Variants in IL23R observed in about 807,000 individuals in gnomAD.
IL23R encodes interleukin 23 receptor.
In IL23R, 34 loss-of-function variants were observed where a neutral mutation model predicts 56.9. That is an observed-to-expected ratio of 0.60 (90% confidence interval 0.45 to 0.80). The LOEUF is 0.80. IL23R is among the 30% of genes least tolerant of loss of function. The pLI, the probability that IL23R is intolerant of heterozygous loss-of-function variation, is 0.00. For missense variants in IL23R, 635 were observed against 730.0 expected, an observed-to-expected ratio of 0.87 and a Z score of 1.50; for synonymous variants, 230 against 249.2, an observed-to-expected ratio of 0.92 and a Z score of 0.73.
intron 1 of IL23R, among the ~76,000 whole-genome samples, chr1:67,156,251 A>C (rs186724530): frequency 1.3e-5 from 2 of 152,158 alleles, no homozygotes; most frequent in Admixed American, 6.5e-5. Flanking sequence ...AGGTCTCTCC[A>C]AGTCAGGAGG....
intron 8 of IL23R, among the ~76,000 whole-genome samples, chr1:67,239,553 C>G (rs754528528): frequency 3.3e-5 from 5 of 152,228 alleles, no homozygotes; most frequent in African/African-American, 9.6e-5. Context: ...GCGTGAGTCA[C>G]TGTGCCCAGC....
chr1:67,142,536 C>T (rs1646647505), intron 1 of IL23R, among the ~76,000 whole-genome samples: 1 of 152,120 alleles, frequency 6.6e-6, no homozygotes, highest in South Asian at 2.1e-4. Flanking sequence ...TTTATAAATA[C>T]AGCAACACAG....
At chr1:67,188,131 C>T (rs1254954749) in intron 4 of IL23R, among the ~76,000 whole-genome samples, 4 of 152,148 alleles carry the variant, frequency 2.6e-5, no homozygotes, top group Non-Finnish European at 5.9e-5. Flanking sequence ...TATATCAGGT[C>T]ATAATTATAT....
At chr1:67,220,743 C>T (rs937069878) in intron 7 of IL23R, among the ~76,000 whole-genome samples, 3 of 152,170 alleles carry the variant, frequency 2.0e-5, no homozygotes, top group African/African-American at 2.4e-5. Flanking sequence ...TGGTGGCCCA[C>T]GCCCATAGTC....
chr1:67,232,181 C>A (rs984148558), intron 7 of IL23R, among the ~76,000 whole-genome samples: 4 of 152,146 alleles, frequency 2.6e-5, no homozygotes, highest in Non-Finnish European at 5.9e-5. Context: ...CCATACCCTT[C>A]TATACTTTTC....
At chr1:67,149,477 T>A (rs1411354729) in intron 1 of IL23R, among the ~76,000 whole-genome samples, 3 of 152,120 alleles carry the variant, frequency 2.0e-5, no homozygotes, top group Admixed American at 6.5e-5. Flanking sequence ...TTATTCCCCA[T>A]TTTTTTCTGT....
intron 5 of IL23R, among the ~76,000 whole-genome samples, chr1:67,204,531 T>C (rs1009591866): frequency 2.0e-5 from 3 of 152,214 alleles, no homozygotes; most frequent in African/African-American, 7.2e-5. Context: ...ATTCTTACTG[T>C]GCTATCTGCA....
At chr1:67,169,303 G>A (rs779234342) in intron 2 of IL23R, 39 bp from the exon 3 acceptor site, 10 of 1,437,296 alleles carry the variant, frequency 7.0e-6, no homozygotes, top group Middle Eastern at 2.3e-4. Flanking sequence ...TTGATTTAAT[G>A]TTTTACGTGT....
downstream of IL23R, among the ~76,000 whole-genome samples, chr1:67,261,786 A>C (rs991008095): frequency 6.6e-5 from 10 of 152,244 alleles, no homozygotes; most frequent in African/African-American, 1.9e-4. Context: ...TCTATCACAC[A>C]TGAAAAAAGC....
At chr1:67,153,596 T>A (rs1196250143) in intron 1 of IL23R, among the ~76,000 whole-genome samples, 1 of 152,150 alleles carries the variant, frequency 6.6e-6, no homozygotes, top group Non-Finnish European at 1.5e-5. Flanking sequence ...TCCTGTAAAT[T>A]TCCCTCTAAA....
chr1:67,209,584 A>G (rs190573886), intron 6 of IL23R, among the ~76,000 whole-genome samples: 16 of 152,250 alleles, frequency 1.1e-4, no homozygotes, highest in African/African-American at 3.4e-4. Context: ...TTCACCACCC[A>G]TCATCATTCT....
intron 6 of IL23R, among the ~76,000 whole-genome samples, chr1:67,219,226 G>C (rs1650079145): frequency 1.3e-5 from 2 of 152,050 alleles, no homozygotes; most frequent in Admixed American, 1.3e-4. Flanking sequence ...AAAGTAGCCA[G>C]GTGTTGTAGT....
Position 67,204,196 on chromosome 1 carries a change from T to C in IL23R, c.653-2714T>C, listed in dbSNP as rs181953569. Reference sequence around the variant, plus strand: ...CTCCTGCCTCAGCCTCCCGAGTAGCTGGGACTACAGGCGCCAGCCACCTCG... The same window carrying C: ...CTCCTGCCTCAGCCTCCCGAGTAGCCGGGACTACAGGCGCCAGCCACCTCG... On this transcript the variant is annotated intron_variant, in intron 5 of 10. Transcript: ENST00000347310. 8.2e-3 allele frequency among the ~76,000 whole-genome samples: 1,251 copies of C among 152,306 alleles called. 18 individuals carry two copies. Among genetic ancestry groups the C allele is most frequent in the African/African-American group, 0.029 (1,195 of 41,568 alleles).
intron 6 of IL23R, among the ~76,000 whole-genome samples, chr1:67,209,938 A>G (rs1313753985): frequency 2.6e-5 from 4 of 152,212 alleles, no homozygotes; most frequent in Admixed American, 2.6e-4. Flanking sequence ...TGAAATTTAT[A>G]TCAGTGATCA....
At position 67,232,747 on chromosome 1, in the gene IL23R, A is replaced by G. The variant is rs376992358; in HGVS notation, c.956-3966A>G. ...AGGATGACAAAACACACTTTGCCCCATGGTTGATGATATGGTTTGGCTGTG... is the reference window on the plus strand; with the variant it reads ...AGGATGACAAAACACACTTTGCCCCGTGGTTGATGATATGGTTTGGCTGTG... On this transcript the variant is annotated intron_variant, in intron 7 of 10. Coordinates refer to ENST00000347310, the MANE Select transcript of IL23R (RefSeq NM_144701.3). Among the ~76,000 whole-genome samples, 7 of 152,212 alleles carry G rather than the reference A, an allele frequency of 4.6e-5. No individual in the cohort carries two copies. The East Asian group carries it at 1.4e-3, about 29-fold the overall frequency.
intron 1 of IL23R, among the ~76,000 whole-genome samples, chr1:67,152,049 G>A (rs1646733410): frequency 6.6e-6 from 1 of 152,086 alleles, no homozygotes; most frequent in Admixed American, 6.5e-5. Flanking sequence ...AAATTACTTT[G>A]GGCACTATGG....
intron 6 of IL23R, among the ~76,000 whole-genome samples, chr1:67,213,279 A>C (rs934837157): frequency 6.6e-6 from 1 of 152,170 alleles, no homozygotes; most frequent in African/African-American, 2.4e-5. Flanking sequence ...GGATCCAATG[A>C]TGTAAGAAGT....
chr1:67,205,448 C>G (rs944835047), intron 5 of IL23R, among the ~76,000 whole-genome samples: 2 of 152,078 alleles, frequency 1.3e-5, no homozygotes, highest in African/African-American at 4.8e-5. Context: ...CGCCTACAGG[C>G]CCTTGAGTTC....
chr1:67,173,853 A>G (rs1646976242), intron 3 of IL23R, among the ~76,000 whole-genome samples: 1 of 152,116 alleles, frequency 6.6e-6, no homozygotes, highest in African/African-American at 2.4e-5. Context: ...TGTCTTTGAA[A>G]TTTCAGACCC....
Sources: gnomAD v4.1 joint callset for allele counts (sites outside exome capture counted in the v4.1 genomes callset) on GRCh38, gnomAD v4.1.1 for gene constraint, MANE v1.5 for transcripts, NCBI Gene and HGNC (gene_info 2026-07-23, HGNC 2026-07-21) for gene names.